EFL1: variants seen among roughly 807,000 people sequenced by gnomAD.
EFL1 encodes the protein elongation factor-like GTPase 1.
Under a neutral mutation model 126.7 loss-of-function variants are expected in EFL1, and 76 were observed. The observed-to-expected ratio is 0.60, with a 90% CI of 0.50 to 0.73. The LOEUF (loss-of-function observed/expected upper bound fraction) is 0.73. Among genes scored for constraint, EFL1 ranks in the 30% least tolerant of loss-of-function variants. The pLI is 0.00. For missense variants in EFL1, 1,128 were observed against 1,343.2 expected (o/e 0.84, Z 2.50); for synonymous variants, 410 against 448.4 (o/e 0.91, Z 1.08).
At chr15:82,259,261 T>C (rs1290425777) in intron 2 of EFL1, 106 bp from the exon 3 acceptor site, 2 of 987,806 alleles carry the variant, frequency 2.0e-6, no homozygotes, top group Admixed American at 2.1e-5. Flanking sequence ...TTAGTAAAGA[T>C]TTTCTATTTA....
At chr15:82,243,519 C>T (rs80218379) in intron 4 of EFL1, among the ~76,000 whole-genome samples, 9,771 of 23,890 alleles carry the variant, frequency 0.41, 2,428 homozygotes, top group African/African-American at 0.47. Flanking sequence ...GCCTATTCAT[C>T]TGGCTAAACT....
chr15:82,134,092 G>C (rs1163252128), intron 19 of EFL1, among the ~76,000 whole-genome samples: 1 of 152,182 alleles, frequency 6.6e-6, no homozygotes, highest in Non-Finnish European at 1.5e-5. Flanking sequence ...CTATTTGTAA[G>C]GATGGAATGT....
chr15:82,206,751 A>G (rs1356003694), intron 15 of EFL1, among the ~76,000 whole-genome samples: 1 of 152,162 alleles, frequency 6.6e-6, no homozygotes, highest in African/African-American at 2.4e-5. Context: ...AGGGACAATA[A>G]CAATTAACAA....
At chr15:82,203,818 A>G (rs971179218) in intron 15 of EFL1, among the ~76,000 whole-genome samples, 2 of 152,188 alleles carry the variant, frequency 1.3e-5, no homozygotes, top group African/African-American at 4.8e-5. Flanking sequence ...TGTGCACCAT[A>G]ATCTACTTAT....
intron 2 of EFL1, 94 bp from the exon 3 acceptor site, chr15:82,259,249 G>A (rs934983926): frequency 1.8e-6 from 2 of 1,119,342 alleles, no homozygotes; most frequent in Admixed American, 2.0e-5. Context: ...ATAAGAATTG[G>A]TTTAGTAAAG....
intron 8 of EFL1, among the ~76,000 whole-genome samples, chr15:82,230,523 G>A (rs1424622120): frequency 1.3e-5 from 2 of 152,038 alleles, no homozygotes; most frequent in Non-Finnish European, 1.5e-5. Flanking sequence ...TCTCTTTATG[G>A]TGACAGGGAC....
chr15:82,212,416 G>A (rs2074599988), intron 15 of EFL1, among the ~76,000 whole-genome samples: 1 of 152,208 alleles, frequency 6.6e-6, no homozygotes. Flanking sequence ...ACTGGCCTGA[G>A]GCCATAAAAC....
chr15:82,196,579 G>A (rs2074409746), intron 15 of EFL1, among the ~76,000 whole-genome samples: 1 of 152,128 alleles, frequency 6.6e-6, no homozygotes, highest in African/African-American at 2.4e-5. Flanking sequence ...AATCCTTTCA[G>A]TTTTTTAATA....
chr15:82,181,168 G>A (rs2074247890), intron 15 of EFL1, among the ~76,000 whole-genome samples: 1 of 152,086 alleles, frequency 6.6e-6, no homozygotes, highest in Non-Finnish European at 1.5e-5. Context: ...GAGTCTATTA[G>A]CAAATTTCCC....
intron 5 of EFL1, 58 bp from the exon 6 acceptor site, chr15:82,240,613 T>C: frequency 6.3e-7 from 1 of 1,591,606 alleles, no homozygotes; most frequent in Non-Finnish European, 8.6e-7. Flanking sequence ...TAGAGCACAT[T>C]AGAAAATCGT....
At chr15:82,221,803 A>C (rs983751545) in intron 12 of EFL1, among the ~76,000 whole-genome samples, 1 of 152,200 alleles carries the variant, frequency 6.6e-6, no homozygotes, top group Non-Finnish European at 1.5e-5. Context: ...CAGAACTTTC[A>C]AATACAGAAT....
At chr15:82,261,381 A>C (rs1214802774) in intron 2 of EFL1, among the ~76,000 whole-genome samples, 2 of 152,272 alleles carry the variant, frequency 1.3e-5, no homozygotes, top group Non-Finnish European at 2.9e-5. Flanking sequence ...ACAGACTCTA[A>C]GGACATTATG....
chr15:82,173,484 T>C (rs1428666799), intron 15 of EFL1, among the ~76,000 whole-genome samples: 1 of 152,176 alleles, frequency 6.6e-6, no homozygotes, highest in Admixed American at 6.5e-5. Context: ...TGAAAATTAG[T>C]TGAGTCTGGA....
intron 12 of EFL1, among the ~76,000 whole-genome samples, chr15:82,222,531 T>C (rs1317744406): frequency 2.6e-5 from 4 of 152,244 alleles, no homozygotes; most frequent in South Asian, 2.1e-4. Flanking sequence ...ATAATCAGCA[T>C]GTACAGTCAT....
chr15:82,181,568 G>C (rs2074251235), intron 15 of EFL1, among the ~76,000 whole-genome samples: 1 of 152,044 alleles, frequency 6.6e-6, no homozygotes, highest in Non-Finnish European at 1.5e-5. Flanking sequence ...CATCGGGAAA[G>C]TATGGCAGCA....
At chr15:82,230,056 T>A (rs1386622066) in intron 8 of EFL1, among the ~76,000 whole-genome samples, 1 of 152,138 alleles carries the variant, frequency 6.6e-6, no homozygotes, top group Non-Finnish European at 1.5e-5. Flanking sequence ...ATATTGTTTA[T>A]AAAAAAGCTT....
At chr15:82,230,197 A>G (rs1182092246) in intron 8 of EFL1, among the ~76,000 whole-genome samples, 27 of 152,208 alleles carry the variant, frequency 1.8e-4, no homozygotes. Context: ...AACATCTACT[A>G]GCAGTGCTGG....
At position 82,157,804 on chromosome 15, in the gene EFL1, C is replaced by T; in HGVS notation, c.1939G>A (p.Val647Ile). ...MKLLNQADPC[V>I]QILIQETGEH... ...CCCGTTTCCTGAATTAAAATCTGGA[C>T]ACAGGGATCAGCCTGGTTTAACAGT... Residue 647 changes from valine (V) to isoleucine (I), a missense_variant, in exon 17 of 20, where the codon GTC becomes ATC. Around this residue, in one of 6 missense-constraint regions of EFL1, gnomAD observed 561 missense variants for 641.7 expected, o/e 0.87. Coordinates refer to ENST00000268206, the MANE Select transcript of EFL1 (RefSeq NM_024580.6). 6.2e-7 allele frequency: 1 copy of T among 1,614,088 alleles called. No homozygotes were observed. Among genetic ancestry groups the T allele is most frequent in the Non-Finnish European group, 8.5e-7 (1 of 1,179,968 alleles).
chr15:82,193,949 C>T (rs1340218349), intron 15 of EFL1, among the ~76,000 whole-genome samples: 4 of 152,234 alleles, frequency 2.6e-5, no homozygotes, highest in African/African-American at 9.6e-5. Context: ...ACACGGTGAG[C>T]AGCCACAGTG....
Sources: allele counts gnomAD v4.1 joint callset (sites outside exome capture counted in the v4.1 genomes callset), GRCh38; gene constraint gnomAD v4.1.1; regional missense constraint gnomAD v4.1.1; transcripts MANE v1.5; gene names NCBI Gene and HGNC (gene_info 2026-07-23, HGNC 2026-07-21).